Variants in MAMDC2 observed in about 807,000 individuals in gnomAD.
The protein encoded by MAMDC2 is MAM domain containing 2.
A neutral mutation model predicts 89.8 loss-of-function variants in MAMDC2; 57 were observed. The observed-to-expected ratio is 0.63, with a 90% CI of 0.51 to 0.79. MAMDC2 has a LOEUF of 0.79. MAMDC2 is among the 30% of genes least tolerant of loss of function. MAMDC2 has a pLI of 0.00. For missense variants in MAMDC2, 800 were observed against 820.6 expected (o/e 0.97, Z 0.31); for synonymous variants, 313 against 293.4 (o/e 1.07, Z -0.68).
chr9:70,126,015 C>G (rs1261380563), intron 5 of MAMDC2, 144 bp from the exon 6 acceptor site: 1 of 872,300 alleles, frequency 1.1e-6, no homozygotes. Context: ...CATGGCCAAA[C>G]CTCTGTCAGC....
At position 70,113,072 on chromosome 9, in the gene MAMDC2, G is replaced by A. The variant is rs754195958; in HGVS notation, c.583G>A (p.Gly195Arg). The A allele has an allele frequency of 6.2e-7, 1 of 1,614,124 alleles. No homozygotes were observed. The highest frequency in any genetic ancestry group is 2.2e-5 in the East Asian group (1 of 44,874). Residue 195 changes from glycine (G) to arginine (R), a missense_variant, in exon 5 of 14, where the codon GGA becomes AGA. Physicochemically the swap from Gly to Arg is moderately radical, Grantham distance 125. Transcript: ENST00000377182. ...CAATGTGAACTGGTTTGTTGGAGGA[G>A]GAAGTATTCGGAATGTCCACTCCAT... ...NPNVNWFVGG[G>R]SIRNVHSILP...
chr9:70,155,981 ACT>A (rs2031749854), intron 9 of MAMDC2, among the ~76,000 whole-genome samples: 1 of 152,078 alleles, frequency 6.6e-6, no homozygotes, highest in Non-Finnish European at 1.5e-5. Context: ...AGTTGCCCTG[ACT>A]CTAGCATTTA....
chr9:70,079,247 G>A (rs894892914), intron 2 of MAMDC2: 17 of 152,122 alleles, frequency 1.1e-4, no homozygotes, highest in East Asian at 7.7e-4. Flanking sequence ...CTCACTTACC[G>A]TGCATTATTA....
At chr9:70,053,912 G>C (rs547702635) in intron 2 of MAMDC2, among the ~76,000 whole-genome samples, 1 of 152,120 alleles carries the variant, frequency 6.6e-6, no homozygotes, top group Non-Finnish European at 1.5e-5. Flanking sequence ...GGTGTGAAAG[G>C]CAAGCAGTAA....
At chr9:70,189,681 T>C (rs2032837203) in intron 11 of MAMDC2, among the ~76,000 whole-genome samples, 1 of 152,184 alleles carries the variant, frequency 6.6e-6, no homozygotes, top group East Asian at 1.9e-4. Flanking sequence ...TTCTTCCCCT[T>C]TCTCTCTCTC....
At chr9:70,102,732 C>T (rs1421638462) in intron 2 of MAMDC2, among the ~76,000 whole-genome samples, 5 of 152,188 alleles carry the variant, frequency 3.3e-5, no homozygotes, top group African/African-American at 9.7e-5. Flanking sequence ...GTTTATGGCC[C>T]TTTTCTGACC....
chr9:70,104,308 G>C (rs1034948209), intron 2 of MAMDC2, among the ~76,000 whole-genome samples: 1 of 152,200 alleles, frequency 6.6e-6, no homozygotes, highest in Non-Finnish European at 1.5e-5. Flanking sequence ...TGTTGGTGAG[G>C]ATGTGGAGAA....
At position 70,100,544 on chromosome 9, in the gene MAMDC2, A is replaced by T. The variant is rs2997699; in HGVS notation, c.149-7667A>T. Among the ~76,000 whole-genome samples, 36 of 152,280 alleles carry T rather than the reference A, an allele frequency of 2.4e-4. No homozygotes were observed. The East Asian group carries it at 6.8e-3, about 29-fold the overall frequency. On this transcript the variant is annotated intron_variant, in intron 2 of 13. Coordinates refer to ENST00000377182, the MANE Select transcript of MAMDC2 (RefSeq NM_153267.5). ...ATATGCAAGGCACTAAGCTCTAAAC[A>T]AAAGACAGACGTAGGCATTGCTGTC...
intron 2 of MAMDC2, among the ~76,000 whole-genome samples, chr9:70,056,305 T>C (rs1223924907): frequency 6.6e-6 from 1 of 152,230 alleles, no homozygotes; most frequent in African/African-American, 2.4e-5. Context: ...GAAGTATGTT[T>C]TGATCCTATA....
At position 70,200,413 on chromosome 9, in the gene MAMDC2, C is replaced by G. The variant is rs1285870799; in HGVS notation, c.1652-17924C>G. ...TCTGTTCTGTTCCATTGATCTATAT[C>G]TCTGTTTTGGTACCAGTACCATGCT... is the stretch of plus-strand genomic sequence containing the variant. On this transcript the variant is annotated intron_variant, in intron 11 of 13. Coordinates refer to ENST00000377182, the MANE Select transcript of MAMDC2 (RefSeq NM_153267.5). Among the ~76,000 whole-genome samples the G allele has an allele frequency of 5.5e-3, 817 of 148,756 alleles. 6 individuals are homozygous for G. Among genetic ancestry groups the G allele is most frequent in the African/African-American group, 0.019 (785 of 40,398 alleles).
At chr9:70,056,554 T>C (rs1217982731) in intron 2 of MAMDC2, among the ~76,000 whole-genome samples, 1 of 152,234 alleles carries the variant, frequency 6.6e-6, no homozygotes, top group Non-Finnish European at 1.5e-5. Flanking sequence ...TATTGTATAA[T>C]ACAAGATAAG....
Position 70,078,657 on chromosome 9 carries a change from C to A in MAMDC2, c.149-29554C>A, listed in dbSNP as rs186169291. Reference sequence around the variant, plus strand: ...TTAGGTTAATTTATAGCTATCTGGGCAATAGCAAGCAGTTTCAAGACATGA... The same window carrying A: ...TTAGGTTAATTTATAGCTATCTGGGAAATAGCAAGCAGTTTCAAGACATGA... On this transcript the variant is annotated intron_variant, in intron 2 of 13. Transcript: ENST00000377182. 5.9e-3 allele frequency among the ~76,000 whole-genome samples: 901 copies of A among 152,192 alleles called. 10 individuals are homozygous for A. Among genetic ancestry groups the A allele is most frequent in the Non-Finnish European group, 8.5e-3 (579 of 68,004 alleles).
chr9:70,081,299 T>C (rs1827648400), intron 2 of MAMDC2, among the ~76,000 whole-genome samples: 3 of 152,028 alleles, frequency 2.0e-5, no homozygotes, highest in Non-Finnish European at 4.4e-5. Context: ...TCAAGAGCAA[T>C]GGAAAGCCAC....
At chr9:70,176,188 A>T (rs2032494776) in intron 11 of MAMDC2, among the ~76,000 whole-genome samples, 1 of 152,230 alleles carries the variant, frequency 6.6e-6, no homozygotes, top group Non-Finnish European at 1.5e-5. Context: ...AGCTTGCTTG[A>T]CTAGTAGACC....
In MAMDC2 at chr9:70,151,287, T is replaced by C. The variant is rs530497585; in HGVS notation, c.1404+7468T>C. Among the ~76,000 whole-genome samples, 57 of 152,368 alleles carry C rather than the reference T, an allele frequency of 3.7e-4. No individual in the cohort carries two copies. In the East Asian group the frequency reaches 8.7e-3, roughly 23 times the overall value. On this transcript the variant is annotated intron_variant, in intron 9 of 13. Coordinates refer to ENST00000377182, the MANE Select transcript of MAMDC2 (RefSeq NM_153267.5). ...TTACTCCCCATTAGTTTGCCCAGTT[T>C]ATTTTGTGTATAACATCCAAATCTG...
intron 5 of MAMDC2, 63 bp downstream of exon 5, chr9:70,113,195 T>C: frequency 6.4e-7 from 1 of 1,572,000 alleles, no homozygotes; most frequent in South Asian, 1.2e-5. Context: ...TCCTCCCACT[T>C]CCTGCACTGA....
Position 70,091,128 on chromosome 9 carries a change from A to G in MAMDC2, c.149-17083A>G, listed in dbSNP as rs1827891312. Among the ~76,000 whole-genome samples the G allele has an allele frequency of 2.6e-5, 4 of 152,354 alleles. No homozygotes were observed. In the South Asian group the frequency reaches 8.3e-4, roughly 32 times the overall value. On this transcript the variant is annotated intron_variant, in intron 2 of 13. Transcript: ENST00000377182. ...GAAGGGTGTCCCAGAAACTGAGGGT[A>G]AGAGGAAGGCTTGGCTTCAGTTTCT...
intron 2 of MAMDC2, among the ~76,000 whole-genome samples, chr9:70,064,314 C>T (rs1044678042): frequency 6.6e-6 from 1 of 152,012 alleles, no homozygotes; most frequent in African/African-American, 2.4e-5. Flanking sequence ...TATCCCTTAC[C>T]CCCTTTCCAC....
rs146958679 is a variant in MAMDC2 at position 70,168,369 on chromosome 9, G to A, written c.1405-333G>A. Among the ~76,000 whole-genome samples the A allele has an allele frequency of 3.9e-3, 595 of 152,230 alleles. 3 individuals are homozygous for A. The highest frequency in any genetic ancestry group is 0.013 in the African/African-American group (551 of 41,540). On this transcript the variant is annotated intron_variant, in intron 9 of 13. Coordinates refer to ENST00000377182, the MANE Select transcript of MAMDC2 (RefSeq NM_153267.5). ...TATCTGGGCATGGTGACGGGTGTCC[G>A]TAATCCCAGCTACTCAGGAGGCTGA...
Sources: allele counts gnomAD v4.1 joint callset (sites outside exome capture counted in the v4.1 genomes callset), GRCh38; gene constraint gnomAD v4.1.1; transcripts MANE v1.5; gene names NCBI Gene and HGNC (gene_info 2026-07-23, HGNC 2026-07-21).